CACNA1A: variants seen among roughly 807,000 people sequenced by gnomAD.
CACNA1A encodes calcium voltage-gated channel subunit alpha1 A.
In CACNA1A, 57 loss-of-function variants were observed where a neutral mutation model predicts 262.4. The ratio of observed to expected loss-of-function variants is 0.22; its 90% CI spans 0.18 to 0.27. The LOEUF is 0.27. Ranked by LOEUF, CACNA1A falls within the 10% of genes least tolerant of loss-of-function variation. The probability of loss-of-function intolerance (pLI) is 1.00; values close to 1 mark genes in which losing one functional copy is unlikely to be tolerated. For missense variants in CACNA1A, 2,526 were observed against 3,562.8 expected (o/e 0.71, Z 7.41); for synonymous variants, 1,431 against 1,419.3 (o/e 1.01, Z -0.18).
intron 38 of CACNA1A, among the ~76,000 whole-genome samples, chr19:13,217,656 A>G (rs188350832): frequency 8.0e-4 from 122 of 152,290 alleles, no homozygotes; most frequent in African/African-American, 2.8e-3. Flanking sequence ...CATCTGGGGT[A>G]CAAGTAACAA....
intron 3 of CACNA1A, among the ~76,000 whole-genome samples, chr19:13,405,694 G>A (rs1490740850): frequency 2.0e-5 from 3 of 152,154 alleles, no homozygotes; most frequent in South Asian, 4.1e-4. Flanking sequence ...AGAGGTTTGG[G>A]CATCAGCTCC....
intron 10 of CACNA1A, among the ~76,000 whole-genome samples, chr19:13,327,732 C>T (rs2058388953): frequency 6.6e-6 from 1 of 151,704 alleles, no homozygotes; most frequent in Admixed American, 6.6e-5. Flanking sequence ...GCCACCACAC[C>T]CAGCTAATTG....
intron 6 of CACNA1A, among the ~76,000 whole-genome samples, chr19:13,356,545 G>A (rs889190130): frequency 5.3e-5 from 8 of 152,128 alleles, no homozygotes; most frequent in Non-Finnish European, 1.2e-4. Context: ...GTTTATAACC[G>A]AGCCCTCTGG....
intron 1 of CACNA1A, among the ~76,000 whole-genome samples, chr19:13,466,598 CCCAAAGTGCTGGGATTACAGGCGTGAG>C: frequency 6.6e-6 from 1 of 152,252 alleles, no homozygotes; most frequent in Middle Eastern, 3.4e-3. Flanking sequence ...ACCTCAACCT[CCCAAAGTGCTGGGATTACAGGCGTGAG>C]CCACCATGCC....
At position 13,214,649 on chromosome 19, in the gene CACNA1A, G is replaced by A. The variant is rs749781260; in HGVS notation, c.5732-41C>T. ...AGACAGACCCTGACTGCCTGCCTGG[G>A]TGTCAGCTGGACTCTGGGTCAGCTG... On this transcript the variant is annotated intron_variant, in intron 38 of 46. Transcript: ENST00000360228. This position sits in a 1 kb window ranked among gnomAD's most constrained non-coding sequence, Gnocchi z 4.1. 1 of 1,486,158 alleles carries A rather than the reference G, an allele frequency of 6.7e-7. No homozygotes were observed. Among genetic ancestry groups the A allele is most frequent in the African/African-American group, 1.4e-5 (1 of 72,140 alleles). The allele number at this position is 1,486,158 out of a possible 1,614,324, so 92.1% of individuals were successfully genotyped here.
At chr19:13,317,070 G>T in intron 11 of CACNA1A, 42 bp downstream of exon 11, 1 of 1,295,634 alleles carries the variant, frequency 7.7e-7, no homozygotes, top group Non-Finnish European at 1.1e-6. Flanking sequence ...GTGTGAGGGA[G>T]GGATCAGGGA....
intron 3 of CACNA1A, among the ~76,000 whole-genome samples, chr19:13,385,227 TTTC>T (rs931903586): frequency 3.8e-4 from 51 of 133,342 alleles, no homozygotes; most frequent in Admixed American, 2.0e-3. Flanking sequence ...CTATTCTTTC[TTTC>T]TTTTTTTTTT....
intron 6 of CACNA1A, among the ~76,000 whole-genome samples, chr19:13,348,094 A>T (rs2419547): frequency 0.61 from 92,507 of 151,430 alleles, 28,452 homozygotes; most frequent in East Asian, 0.71. Flanking sequence ...CTAATTAATT[A>T]TTTTTCTTTT....
At chr19:13,448,314 A>T (rs1358455977) in intron 3 of CACNA1A, among the ~76,000 whole-genome samples, 1 of 152,162 alleles carries the variant, frequency 6.6e-6, no homozygotes, top group East Asian at 1.9e-4. Context: ...ACACATGGAC[A>T]TACAGAGGTG....
intron 38 of CACNA1A, among the ~76,000 whole-genome samples, chr19:13,223,064 G>A (rs536384170): frequency 6.6e-6 from 1 of 150,928 alleles, no homozygotes; most frequent in Admixed American, 6.6e-5. Flanking sequence ...TCGTTCTGTC[G>A]CCCAGGCTGG....
chr19:13,465,278 C>A (rs980054540), intron 1 of CACNA1A, among the ~76,000 whole-genome samples: 2 of 152,136 alleles, frequency 1.3e-5, no homozygotes, highest in Non-Finnish European at 2.9e-5. Flanking sequence ...TACCTACCGT[C>A]ATCATAGCTG....
At chr19:13,248,739 A>G (rs1322005021) in intron 30 of CACNA1A, among the ~76,000 whole-genome samples, 1 of 151,872 alleles carries the variant, frequency 6.6e-6, no homozygotes, top group Non-Finnish European at 1.5e-5. Context: ...ACTAGTCGGG[A>G]GGCTGAGGCA....
Position 13,497,575 on chromosome 19 carries a change from T to A in CACNA1A, c.293+8357A>T, listed in dbSNP as rs79003026. On this transcript the variant is annotated intron_variant, in intron 1 of 46. Coordinates refer to ENST00000360228, the MANE Select transcript of CACNA1A (RefSeq NM_001127222.2). ...ATATATATATATATATATATATATA[T>A]ATATAAATTTATGTTGTTAAAGCTG... 1.3e-3 allele frequency among the ~76,000 whole-genome samples: 49 copies of A among 36,308 alleles called. 5 individuals carry two copies. The highest frequency in any genetic ancestry group is 2.5e-3 in the South Asian group (2 of 786). 23.8% of individuals were successfully genotyped at this position (36,308 alleles called of 152,430 possible). A position where few individuals can be genotyped will look rare whatever the true frequency, so the allele number is the denominator to read the frequency against.
At chr19:13,260,332 A>G (rs60622270) in intron 26 of CACNA1A, 1 of 77,136 alleles carries the variant, frequency 1.3e-5, no homozygotes, top group Non-Finnish European at 3.4e-5. Flanking sequence ...ATATATATAT[A>G]TTTTTGTTGT....
chr19:13,208,045 A>G lies in CACNA1A; in HGVS notation c.6789T>C (p.Ser2263=). The change falls in exon 47 of 47, where the codon AGT becomes AGC. Residue 2263 remains serine, a synonymous_variant. Transcript: ENST00000360228. Reference sequence around the variant, plus strand: ...AGGGGGCTGGGCTTCCACTTACGGAACTACTGCCCTACACGAAAATTGAAA... The same window carrying G: ...AGGGGGCTGGGCTTCCACTTACGGAGCTACTGCCCTACACGAAAATTGAAA... ...REHMAHRQGS[S]SVSGSPAPST... is the part of the protein sequence containing the mutation. The G allele has an allele frequency of 7.7e-7, 1 of 1,290,420 alleles. No homozygotes were observed. The highest frequency in any genetic ancestry group is 9.8e-7 in the Non-Finnish European group (1 of 1,022,980). 79.9% of individuals were successfully genotyped at this position (1,290,420 alleles called of 1,614,324 possible). A position where few individuals can be genotyped will look rare whatever the true frequency, so the allele number is the denominator to read the frequency against.
chr19:13,442,772 C>A (rs1184747566), intron 3 of CACNA1A, among the ~76,000 whole-genome samples: 2 of 152,222 alleles, frequency 1.3e-5, no homozygotes, highest in East Asian at 3.8e-4. Flanking sequence ...TTCTTGAAAT[C>A]TCTTCTGCTC....
intron 31 of CACNA1A, among the ~76,000 whole-genome samples, chr19:13,240,016 T>G (rs1960362788): frequency 6.6e-6 from 1 of 151,972 alleles, no homozygotes; most frequent in Non-Finnish European, 1.5e-5. Flanking sequence ...CCTGGCGTGG[T>G]GGTACATGCT....
intron 1 of CACNA1A, among the ~76,000 whole-genome samples, chr19:13,505,294 C>T (rs1417152194): frequency 2.0e-5 from 3 of 151,956 alleles, no homozygotes; most frequent in Non-Finnish European, 4.4e-5. Context: ...ACTATCCTCT[C>T]CAGATAGGAA....
At chr19:13,484,298 T>C (rs1486293230) in intron 1 of CACNA1A, among the ~76,000 whole-genome samples, 2 of 152,158 alleles carry the variant, frequency 1.3e-5, no homozygotes, top group African/African-American at 2.4e-5. Context: ...CATTGTTGAA[T>C]TGGCTCCAGA....
Sources: gnomAD v4.1 joint callset for allele counts (sites outside exome capture counted in the v4.1 genomes callset) on GRCh38, gnomAD v4.1.1 for gene constraint, Gnocchi (gnomAD v3.1) non-coding constraint, MANE v1.5 for transcripts, NCBI Gene and HGNC (gene_info 2026-07-23, HGNC 2026-07-21) for gene names.